BCHE: variants seen among roughly 807,000 people sequenced by gnomAD.
BCHE encodes cholinesterase.
Under a neutral mutation model 51.3 loss-of-function variants are expected in BCHE, and 48 were observed. The ratio of observed to expected loss-of-function variants is 0.94; its 90% CI spans 0.74 to 1.19. BCHE has a LOEUF of 1.19. Ranked by LOEUF, BCHE falls within the 50% of genes most tolerant of loss-of-function variation. The pLI, the probability that BCHE is intolerant of heterozygous loss-of-function variation, is 0.00. For synonymous variants in BCHE, 251 were observed against 238.0 expected (o/e 1.05, Z -0.50); for missense variants, 847 against 708.2 (o/e 1.20, Z -2.23).
intron 2 of BCHE, among the ~76,000 whole-genome samples, chr3:165,797,648 A>T (rs1713469210): frequency 6.6e-6 from 1 of 152,014 alleles, no homozygotes; most frequent in Non-Finnish European, 1.5e-5. Flanking sequence ...ATAAGAAAAT[A>T]ATCTCAAACT....
At chr3:165,811,594 T>C (rs1346644449) in intron 2 of BCHE, among the ~76,000 whole-genome samples, 1 of 152,094 alleles carries the variant, frequency 6.6e-6, no homozygotes, top group East Asian at 1.9e-4. Context: ...ATTGATTTGC[T>C]CTTAGAAAAT....
Position 165,786,082 on chromosome 3 carries a change from C to T in BCHE, c.1684+63G>A. 1.9e-6 allele frequency: 3 copies of T among 1,541,136 alleles called. No homozygotes were observed. In the South Asian group the frequency reaches 3.4e-5, roughly 17 times the overall value. On this transcript the variant is annotated intron_variant, in intron 3 of 3. Coordinates refer to ENST00000264381, the MANE Select transcript of BCHE (RefSeq NM_000055.4). ...CCATCACCGTGCCTTGGAGAGTATACTTCATCCCTTTTTTACATAACCCAT... is the reference window on the plus strand; with the variant it reads ...CCATCACCGTGCCTTGGAGAGTATATTTCATCCCTTTTTTACATAACCCAT...
chr3:165,773,541 T>C, intron 3 of BCHE, 35 bp from the exon 4 acceptor site: 1 of 1,561,026 alleles, frequency 6.4e-7, no homozygotes, highest in Non-Finnish European at 8.8e-7. Context: ...TTAATCAAAA[T>C]TTTTATCTGT....
intron 2 of BCHE, among the ~76,000 whole-genome samples, chr3:165,788,082 T>C (rs1432221814): frequency 6.7e-6 from 1 of 149,866 alleles, no homozygotes; most frequent in Non-Finnish European, 1.5e-5. Context: ...TATTAATAGA[T>C]AGAAATTTTG....
intron 2 of BCHE, among the ~76,000 whole-genome samples, chr3:165,790,343 A>G (rs1713120288): frequency 6.6e-6 from 1 of 152,178 alleles, no homozygotes; most frequent in Non-Finnish European, 1.5e-5. Context: ...CACCGGCACA[A>G]TAGATGTCCT....
At chr3:165,822,610 A>G (rs1254775427) in intron 2 of BCHE, among the ~76,000 whole-genome samples, 1 of 152,066 alleles carries the variant, frequency 6.6e-6, no homozygotes, top group Non-Finnish European at 1.5e-5. Context: ...ATGATCTGGA[A>G]GGCTGTGTAA....
At chr3:165,787,584 A>G (rs1372688036) in intron 2 of BCHE, among the ~76,000 whole-genome samples, 3 of 151,982 alleles carry the variant, frequency 2.0e-5, no homozygotes, top group Non-Finnish European at 4.4e-5. Flanking sequence ...GACCTGAGCT[A>G]GAAAGGAAAG....
At chr3:165,806,852 T>C (rs541470462) in intron 2 of BCHE, among the ~76,000 whole-genome samples, 21 of 152,170 alleles carry the variant, frequency 1.4e-4, no homozygotes, top group African/African-American at 2.6e-4. Context: ...TGAATGATTA[T>C]GCAAAACTCA....
chr3:165,824,647 TA>T (rs1714653591), intron 2 of BCHE, among the ~76,000 whole-genome samples: 2 of 151,936 alleles, frequency 1.3e-5, no homozygotes, highest in Admixed American at 1.3e-4. Context: ...ACCCCCAAAT[TA>T]AAAAATTGAT....
intron 2 of BCHE, among the ~76,000 whole-genome samples, chr3:165,798,714 T>C (rs1297603365): frequency 1.3e-5 from 2 of 152,102 alleles, no homozygotes; most frequent in East Asian, 3.9e-4. Context: ...CTGAGTGTTG[T>C]GGTGTGTGCT....
At position 165,786,125 on chromosome 3, in the gene BCHE, A is replaced by T. The variant is rs1427205273; in HGVS notation, c.1684+20T>A. On this transcript the variant is annotated intron_variant, in intron 3 of 3. Transcript: ENST00000264381. Reference sequence around the variant, plus strand: ...TAACCCATCATCTATTAAATAACCAAACACTAAAAACAGACACACCTGTCA... The same window carrying T: ...TAACCCATCATCTATTAAATAACCATACACTAAAAACAGACACACCTGTCA... 6.2e-7 allele frequency: 1 copy of T among 1,607,498 alleles called. No homozygotes were observed. Among genetic ancestry groups the T allele is most frequent in the Non-Finnish European group, 8.5e-7 (1 of 1,174,856 alleles).
At chr3:165,775,983 T>C (rs537076194) in intron 3 of BCHE, among the ~76,000 whole-genome samples, 1 of 152,040 alleles carries the variant, frequency 6.6e-6, no homozygotes, top group Admixed American at 6.6e-5. Context: ...TGTTTATTAC[T>C]AAGAAGACAA....
intron 2 of BCHE, among the ~76,000 whole-genome samples, chr3:165,821,145 T>A (rs1714496401): frequency 6.6e-6 from 1 of 151,974 alleles, no homozygotes; most frequent in South Asian, 2.1e-4. Flanking sequence ...GTTAAGAGTA[T>A]CTTTAACTGA....
intron 3 of BCHE, among the ~76,000 whole-genome samples, chr3:165,781,156 CA>C (rs1712682920): frequency 6.6e-6 from 1 of 152,094 alleles, no homozygotes; most frequent in Admixed American, 6.6e-5. Context: ...GAGGCTGAGG[CA>C]GGAACATCGC....
chr3:165,829,905 C>A lies in BCHE; in HGVS notation c.1129G>T (p.Glu377Ter), dbSNP rs534912670. The A allele has an allele frequency of 6.8e-6, 11 of 1,611,234 alleles. No homozygotes were observed. Among genetic ancestry groups the A allele is most frequent in the Admixed American group, 1.7e-5 (1 of 59,254 alleles). The change falls in exon 2 of 4, where the codon GAA becomes TAA. Residue 377 changes from glutamate to a stop codon, truncating the protein, a stop_gained. Transcript: ENST00000264381. LOFTEE classifies it high-confidence loss of function. ...AATATTTTTAAACCTTCCTGAAATT[C>A]TTTTCTAGTTATGATACTATTGTTA... is the stretch of plus-strand genomic sequence containing the variant. The part of the protein sequence containing the change: ...KDNNSIITRK[E>*]FQEGLKIFFP...
intron 2 of BCHE, among the ~76,000 whole-genome samples, chr3:165,813,398 C>T (rs1714183927): frequency 6.6e-6 from 1 of 151,492 alleles, no homozygotes; most frequent in South Asian, 2.1e-4. Context: ...GCATTTTCAT[C>T]ATCTTATTCT....
At chr3:165,802,764 C>T (rs1713713569) in intron 2 of BCHE, among the ~76,000 whole-genome samples, 2 of 151,598 alleles carry the variant, frequency 1.3e-5, no homozygotes, top group African/African-American at 4.8e-5. Flanking sequence ...TTTTTTGAGA[C>T]GGAGTCTTGC....
rs1175698220 is a variant in BCHE at position 165,772,929 on chromosome 3, C to A, written c.*453G>T. 6.6e-6 allele frequency: 1 copy of A among 152,308 alleles called. No homozygotes were observed. The highest frequency in any genetic ancestry group is 2.4e-5 in the African/African-American group (1 of 41,366). 9.4% of individuals were successfully genotyped at this position (152,308 alleles called of 1,614,324 possible). A position where few individuals can be genotyped will look rare whatever the true frequency, so the allele number is the denominator to read the frequency against. On this transcript the variant is annotated 3_prime_UTR_variant, in exon 4 of 4. Transcript: ENST00000264381. ...TGATTTTCTGTGCTTATTTTAATAT[C>A]TCATATTGACATTCAATTCTTATTT... is the stretch of plus-strand genomic sequence containing the variant.
In BCHE at chr3:165,773,208, G is replaced by T; in HGVS notation, c.*174C>A. The T allele has an allele frequency of 3.5e-6, 2 of 571,438 alleles. No homozygotes were observed. The highest frequency in any genetic ancestry group is 6.0e-6 in the Non-Finnish European group (2 of 331,844). 35.4% of individuals were successfully genotyped at this position (571,438 alleles called of 1,614,324 possible). ...TAATTAAACACGTTCTAGCCATTTG[G>T]GTTTTGAAATGCTAGGTAAAATACT... On this transcript the variant is annotated 3_prime_UTR_variant, in exon 4 of 4. Coordinates refer to ENST00000264381, the MANE Select transcript of BCHE (RefSeq NM_000055.4).
Sources: gnomAD v4.1 joint callset for allele counts (sites outside exome capture counted in the v4.1 genomes callset) on GRCh38, gnomAD v4.1.1 for gene constraint, MANE v1.5 for transcripts, NCBI Gene and HGNC (gene_info 2026-07-23, HGNC 2026-07-21) for gene names.